The following GADL1 variants were observed in gnomAD, a reference collection of about 807,000 sequenced individuals.
GADL1 encodes the protein GAD like acidic amino acid decarboxylase 1.
A neutral mutation model predicts 69.5 loss-of-function variants in GADL1; 71 were observed. That is an observed-to-expected ratio of 1.02 (90% CI 0.84 to 1.25). The LOEUF (loss-of-function observed/expected upper bound fraction) is 1.25, where lower values mean the gene tolerates loss of function less well. Among genes scored for constraint, GADL1 ranks in the 50% most tolerant of loss-of-function variants. GADL1 has a pLI of 0.00. For missense variants in GADL1, 737 were observed against 631.8 expected (o/e 1.17, Z -1.79); for synonymous variants, 254 against 214.4 (o/e 1.18, Z -1.62).
chr3:30,778,184 T>A lies in GADL1; in HGVS notation c.1387A>T (p.Asn463Tyr), dbSNP rs757947294. Reference sequence around the variant, plus strand: ...ACCATTTACTTATTACTTACCAAATTAAGTTTTGCCCAGAACTCGGGTCCT... The same window carrying A: ...ACCATTTACTTATTACTTACCAAATAAAGTTTTGCCCAGAACTCGGGTCCT... ...EEGPEFWAKL[N>Y]LVAPAIKERM... The change falls in exon 14 of 15, where the codon AAT (asparagine) becomes TAT (tyrosine). Residue 463 changes from asparagine (N) to tyrosine (Y), a missense_variant. Physicochemically the swap from Asn to Tyr is moderately radical, Grantham distance 143 (BLOSUM62 -2). Transcript: ENST00000282538. 6.3e-7 allele frequency: 1 copy of A among 1,586,304 alleles called. No homozygotes were observed. The highest frequency in any genetic ancestry group is 8.7e-7 in the Non-Finnish European group (1 of 1,155,300).
At position 30,844,152 on chromosome 3, in the gene GADL1, C is replaced by T. The variant is rs985994414; in HGVS notation, c.786+58G>A. 3.8e-5 allele frequency: 50 copies of T among 1,331,492 alleles called. No individual in the cohort carries two copies. In the Admixed American group the frequency reaches 8.3e-4, roughly 22 times the overall value. The allele number at this position is 1,331,492 out of a possible 1,614,324, so 82.5% of individuals were successfully genotyped here. ...TGCTATTCCCTCTCTTTCATAAGCG[C>T]GCGGGCGTGCGCGCACACACACACG... On this transcript the variant is annotated intron_variant, in intron 8 of 14. Coordinates refer to ENST00000282538, the MANE Select transcript of GADL1 (RefSeq NM_207359.3).
chr3:30,762,151 T>A (rs1457740311), intron 14 of GADL1, among the ~76,000 whole-genome samples: 2 of 152,146 alleles, frequency 1.3e-5, no homozygotes, highest in African/African-American at 4.8e-5. Flanking sequence ...CATAGTGGAA[T>A]TTGAAGGAGT....
chr3:30,743,608 T>C (rs1695657258), intron 14 of GADL1, among the ~76,000 whole-genome samples: 1 of 152,162 alleles, frequency 6.6e-6, no homozygotes, highest in Admixed American at 6.5e-5. Context: ...GTGAGGTACT[T>C]ACAGAACACA....
Position 30,788,866 on chromosome 3 carries a change from C to T in GADL1, c.1251-2460G>A, listed in dbSNP as rs574259122. Among the ~76,000 whole-genome samples the T allele has an allele frequency of 1.6e-4, 24 of 152,268 alleles. No homozygotes were observed. In the East Asian group the frequency reaches 4.6e-3, roughly 29 times the overall value. ...TATCATGAGACTGCAGCAATTCAGT[C>T]ACATCTTTGGGCTTCATTTCTAATT... On this transcript the variant is annotated intron_variant, in intron 12 of 14. Transcript: ENST00000282538.
intron 14 of GADL1, among the ~76,000 whole-genome samples, chr3:30,748,804 C>A (rs934220773): frequency 6.6e-6 from 1 of 152,160 alleles, no homozygotes; most frequent in Non-Finnish European, 1.5e-5. Flanking sequence ...TCAACCGTTA[C>A]ATTTTGAATT....
Position 30,766,234 on chromosome 3 carries a change from C to T in GADL1, c.1392+11945G>A, listed in dbSNP as rs74833116. Reference sequence around the variant, plus strand: ...GAGGTGGTAGAATATAGGCACAAGGCATCAGGGATGAAAGCAGAGAGAAAA... The same window carrying T: ...GAGGTGGTAGAATATAGGCACAAGGTATCAGGGATGAAAGCAGAGAGAAAA... On this transcript the variant is annotated intron_variant, in intron 14 of 14. Transcript: ENST00000282538. Among the ~76,000 whole-genome samples, 1,268 of 152,256 alleles carry T rather than the reference C, an allele frequency of 8.3e-3. 13 individuals carry two copies. The highest frequency in any genetic ancestry group is 0.014 in the Middle Eastern group (4 of 294).
rs557483715 is a variant in GADL1 at position 30,796,264 on chromosome 3, CT to C, written c.1250+4624del. 2.1e-3 allele frequency among the ~76,000 whole-genome samples: 313 copies of C among 152,302 alleles called. 1 individual carries two copies. The highest frequency in any genetic ancestry group is 2.4e-4 in the Non-Finnish European group (16 of 68,022). On this transcript the variant is annotated intron_variant, in intron 12 of 14. Transcript: ENST00000282538. The stretch of plus-strand genomic sequence containing the variant: ...AAAGGGAACAGAGCTTCCTGGACTT[CT>C]AATTTAGTGAGCAGCTATAAATAAT...
intron 14 of GADL1, among the ~76,000 whole-genome samples, chr3:30,762,743 C>T (rs1696168995): frequency 6.6e-6 from 1 of 152,170 alleles, no homozygotes; most frequent in Non-Finnish European, 1.5e-5. Context: ...GCCCACCTCC[C>T]AGACCCCCAC....
intron 14 of GADL1, 132 bp downstream of exon 14, chr3:30,778,047 T>C: frequency 1.7e-6 from 1 of 596,650 alleles, no homozygotes. Context: ...CTGTCATTAC[T>C]TTTTAACAAA....
chr3:30,800,225 G>A (rs1377424020), intron 12 of GADL1: 3 of 153,462 alleles, frequency 2.0e-5, no homozygotes, highest in East Asian at 3.8e-4. Flanking sequence ...CACATGGCTG[G>A]GGAGGCCTCA....
At position 30,728,416 on chromosome 3, in the gene GADL1, C is replaced by CTG; in HGVS notation, c.1393-3_1393-2dup. Reference sequence around the variant, plus strand: ...TCCTCTCCTTAATGGCTGGGGCCACCTGTGTGGGGAGAAAAGGGGAGAGGG... The same window carrying CTG: ...TCCTCTCCTTAATGGCTGGGGCCACCTGTGTGTGGGGAGAAAAGGGGAGAGGG... On this transcript the variant is annotated splice_acceptor_variant, in intron 14 of 14. Transcript: ENST00000282538. LOFTEE classifies it high-confidence loss of function. 6.2e-7 allele frequency: 1 copy of CTG among 1,613,072 alleles called. No homozygotes were observed. Among genetic ancestry groups the CTG allele is most frequent in the Non-Finnish European group, 8.5e-7 (1 of 1,179,384 alleles).
chr3:30,888,130 A>T (rs936794663), intron 1 of GADL1, among the ~76,000 whole-genome samples: 1 of 152,010 alleles, frequency 6.6e-6, no homozygotes, highest in African/African-American at 2.4e-5. Context: ...TTTTATTTCT[A>T]TTTTTTTAAA....
chr3:30,813,649 C>T (rs887374305), intron 11 of GADL1, among the ~76,000 whole-genome samples: 2 of 152,186 alleles, frequency 1.3e-5, no homozygotes, highest in African/African-American at 2.4e-5. Flanking sequence ...CCTCTGAGGC[C>T]TGGAGTATAG....
chr3:30,806,165 C>T (rs1464037922), intron 11 of GADL1, among the ~76,000 whole-genome samples: 1 of 152,034 alleles, frequency 6.6e-6, no homozygotes, highest in African/African-American at 2.4e-5. Flanking sequence ...AAGCTCTTCC[C>T]GTATGGCCCT....
chr3:30,811,033 G>A lies in GADL1; in HGVS notation c.1051-9945C>T, dbSNP rs565773936. On this transcript the variant is annotated intron_variant, in intron 11 of 14. Transcript: ENST00000282538. ...TGAAATATTCTGAACACTTAGTGTT[G>A]AGATCAAGACTCCCCTTCCCCTTCC... 8.5e-4 allele frequency among the ~76,000 whole-genome samples: 129 copies of A among 152,264 alleles called. 4 individuals carry two copies. The South Asian group carries it at 0.024, about 29-fold the overall frequency.
At chr3:30,884,553 C>T (rs1194637193) in intron 1 of GADL1, among the ~76,000 whole-genome samples, 1 of 152,016 alleles carries the variant, frequency 6.6e-6, no homozygotes, top group Non-Finnish European at 1.5e-5. Context: ...CTATTTACCT[C>T]CTACACTTAT....
At chr3:30,814,980 A>G (rs1404664770) in intron 11 of GADL1, among the ~76,000 whole-genome samples, 5 of 140,930 alleles carry the variant, frequency 3.5e-5, no homozygotes, top group Non-Finnish European at 6.4e-5. Flanking sequence ...AAAAAAAAAA[A>G]AATTTTTTTC....
chr3:30,763,102 A>G (rs1696181605), intron 14 of GADL1, among the ~76,000 whole-genome samples: 1 of 152,194 alleles, frequency 6.6e-6, no homozygotes, highest in Admixed American at 6.5e-5. Flanking sequence ...CTAGCACCAT[A>G]AATAGGTAAA....
intron 6 of GADL1, among the ~76,000 whole-genome samples, chr3:30,848,092 T>C (rs1270904122): frequency 6.6e-6 from 1 of 152,190 alleles, no homozygotes; most frequent in Non-Finnish European, 1.5e-5. Flanking sequence ...GCATTTATTA[T>C]CCACTGGGGT....
Sources: allele counts gnomAD v4.1 joint callset (sites outside exome capture counted in the v4.1 genomes callset), GRCh38; gene constraint gnomAD v4.1.1; transcripts MANE v1.5; gene names NCBI Gene and HGNC (gene_info 2026-07-23, HGNC 2026-07-21).